The following FTO variants were observed in gnomAD, a reference collection of about 807,000 sequenced individuals.
FTO encodes the protein alpha-ketoglutarate-dependent dioxygenase FTO.
A neutral mutation model predicts 63.9 loss-of-function variants in FTO; 47 were observed. The ratio of observed to expected loss-of-function variants is 0.74; its 90% CI spans 0.58 to 0.94. The LOEUF is 0.94. Ranked by LOEUF, FTO falls within the 40% of genes least tolerant of loss-of-function variation. The pLI, the probability that FTO is intolerant of heterozygous loss-of-function variation, is 0.00. For synonymous variants in FTO, 207 were observed against 224.4 expected, an observed-to-expected ratio of 0.92 and a Z score of 0.69; for missense variants, 562 against 618.1, an observed-to-expected ratio of 0.91 and a Z score of 0.96.
rs146557574 is a variant in FTO at position 54,119,448 on chromosome 16, A to T, written c.*7533A>T. On this transcript the variant is annotated 3_prime_UTR_variant, in exon 9 of 9. Transcript: ENST00000471389. ...GTCACCTTCCTTCCCCCTGCCCCCA[A>T]CTCTGCAGACAGAGGTTTCCCGTTG... is the stretch of plus-strand genomic sequence containing the variant. The T allele has an allele frequency of 2.0e-5, 3 of 152,022 alleles. No individual in the cohort carries two copies. The highest frequency in any genetic ancestry group is 7.3e-5 in the African/African-American group (3 of 41,352). The allele number at this position is 152,022 out of a possible 1,614,324, so 9.4% of individuals were successfully genotyped here.
Position 53,815,636 on chromosome 16 carries a change from G to GTTTTTTTTTTT in FTO, c.123+5439_123+5449dup, listed in dbSNP as rs556357629. The stretch of plus-strand genomic sequence containing the variant: ...ACCCTATAAGGCCATTGACTTTCTT[G>GTTTTTTTTTTT]TTTTTTTTTTTTTTTTTTTTTTTTT... On this transcript the variant is annotated intron_variant, in intron 2 of 8. Coordinates refer to ENST00000471389, the MANE Select transcript of FTO (RefSeq NM_001080432.3). Among the ~76,000 whole-genome samples the GTTTTTTTTTTT allele has an allele frequency of 5.8e-4, 57 of 98,150 alleles. 4 individuals carry two copies. The highest frequency in any genetic ancestry group is 1.8e-3 in the African/African-American group (34 of 18,534). The allele number at this position is 98,150 out of a possible 152,430, so 64.4% of individuals were successfully genotyped here.
intron 8 of FTO, among the ~76,000 whole-genome samples, chr16:53,985,651 A>C (rs1217872537): frequency 6.6e-6 from 1 of 152,224 alleles, no homozygotes; most frequent in Non-Finnish European, 1.5e-5. Flanking sequence ...AATGAACGCC[A>C]AGGTTGACAC....
intron 8 of FTO, among the ~76,000 whole-genome samples, chr16:54,041,752 TAATA>T (rs2085081075): frequency 6.6e-6 from 1 of 152,152 alleles, no homozygotes; most frequent in African/African-American, 2.4e-5. Flanking sequence ...GGCAAGAAGC[TAATA>T]AATAAGAACT....
intron 1 of FTO, among the ~76,000 whole-genome samples, chr16:53,786,518 T>G (rs2077743954): frequency 1.3e-5 from 2 of 152,206 alleles, no homozygotes; most frequent in African/African-American, 2.4e-5. Context: ...ATCTACTTTA[T>G]GAGATAATGT....
intron 8 of FTO, among the ~76,000 whole-genome samples, chr16:54,051,266 G>A (rs1225818669): frequency 2.6e-5 from 4 of 152,278 alleles, no homozygotes; most frequent in East Asian, 3.9e-4. Context: ...CCAGCTGGCC[G>A]GTGTCATGGC....
intron 4 of FTO, among the ~76,000 whole-genome samples, chr16:53,871,160 A>G (rs541801105): frequency 2.0e-5 from 3 of 151,936 alleles, no homozygotes; most frequent in African/African-American, 7.3e-5. Context: ...TTTTGCTTAG[A>G]ATTCGTTGAG....
chr16:54,063,584 G>A (rs1021213221), intron 8 of FTO: 14 of 152,126 alleles, frequency 9.2e-5, no homozygotes, highest in African/African-American at 2.9e-4. Flanking sequence ...AAATAGATTT[G>A]AGGCGAAAAG....
chr16:53,738,461 A>G (rs1452183616), intron 1 of FTO, among the ~76,000 whole-genome samples: 3 of 152,176 alleles, frequency 2.0e-5, no homozygotes, highest in African/African-American at 7.2e-5. Flanking sequence ...ATATTCCATT[A>G]TATGGACACA....
chr16:53,970,604 A>AG (rs528801284), intron 8 of FTO, among the ~76,000 whole-genome samples: 22 of 151,574 alleles, frequency 1.5e-4, no homozygotes, highest in South Asian at 6.2e-4. Flanking sequence ...AAAAAAAAAA[A>AG]AAAGAAAAGA....
chr16:54,007,065 A>G (rs1441581035), intron 8 of FTO, among the ~76,000 whole-genome samples: 1 of 152,194 alleles, frequency 6.6e-6, no homozygotes, highest in African/African-American at 2.4e-5. Flanking sequence ...TTTAAAAATA[A>G]TTTGCTTAGT....
intron 2 of FTO, among the ~76,000 whole-genome samples, chr16:53,812,622 G>T (rs1260460277): frequency 6.6e-6 from 1 of 152,144 alleles, no homozygotes; most frequent in Non-Finnish European, 1.5e-5. Context: ...TTGCTTCAAT[G>T]CATGCACCCA....
intron 2 of FTO, chr16:53,814,656 C>T (rs1056005441): frequency 6.6e-6 from 1 of 152,488 alleles, no homozygotes; most frequent in African/African-American, 2.4e-5. Flanking sequence ...GATAACTCTG[C>T]TCTTGTCTCA....
chr16:54,003,487 T>C (rs2084117914), intron 8 of FTO, among the ~76,000 whole-genome samples: 1 of 152,238 alleles, frequency 6.6e-6, no homozygotes, highest in African/African-American at 2.4e-5. Context: ...TTCCCTAGGC[T>C]ACATCTCCAT....
At chr16:54,059,897 TTTTTTG>T (rs1260973395) in intron 8 of FTO, among the ~76,000 whole-genome samples, 1 of 140,930 alleles carries the variant, frequency 7.1e-6, no homozygotes, top group Non-Finnish European at 1.5e-5. Flanking sequence ...TAATTAGTTT[TTTTTTG>T]TTTTTTGTTT....
intron 7 of FTO, among the ~76,000 whole-genome samples, chr16:53,920,771 GA>G (rs1345718292): frequency 6.6e-6 from 1 of 152,126 alleles, no homozygotes; most frequent in Admixed American, 6.5e-5. Flanking sequence ...AATGTTGATG[GA>G]ATGGTTGTTG....
At position 53,959,197 on chromosome 16, in the gene FTO, G is replaced by A. The variant is rs374657257; in HGVS notation, c.1364+25088G>A. 3.5e-4 allele frequency among the ~76,000 whole-genome samples: 54 copies of A among 152,242 alleles called. 1 individual carries two copies. The highest frequency in any genetic ancestry group is 1.1e-3 in the African/African-American group (47 of 41,544). On this transcript the variant is annotated intron_variant, in intron 8 of 8. Coordinates refer to ENST00000471389, the MANE Select transcript of FTO (RefSeq NM_001080432.3). ...TAACCTTCCCAGGGGCACAAGGCTG[G>A]GAGGCAGGGGAGCTGGGATTCCCAA... is the stretch of plus-strand genomic sequence containing the variant.
At chr16:53,781,463 T>C (rs1438607748) in intron 1 of FTO, among the ~76,000 whole-genome samples, 1 of 152,168 alleles carries the variant, frequency 6.6e-6, no homozygotes, top group African/African-American at 2.4e-5. Flanking sequence ...AAGTGAGATA[T>C]AGCACACCCA....
At chr16:54,012,478 A>G (rs1226922301) in intron 8 of FTO, among the ~76,000 whole-genome samples, 1 of 152,224 alleles carries the variant, frequency 6.6e-6, no homozygotes, top group Non-Finnish European at 1.5e-5. Flanking sequence ...CAGAAGATCT[A>G]GCTAAGGTCA....
At chr16:53,915,142 A>G (rs907373900) in intron 7 of FTO, among the ~76,000 whole-genome samples, 16 of 152,080 alleles carry the variant, frequency 1.1e-4, no homozygotes, top group African/African-American at 3.9e-4. Context: ...ATTTTGGGGG[A>G]CCATTTTGTT....
Sources: gnomAD v4.1 joint callset for allele counts (sites outside exome capture counted in the v4.1 genomes callset) on GRCh38, gnomAD v4.1.1 for gene constraint, MANE v1.5 for transcripts, NCBI Gene and HGNC (gene_info 2026-07-23, HGNC 2026-07-21) for gene names.